The following ASB2 variants were observed in gnomAD, a reference collection of about 807,000 sequenced individuals.
ASB2 encodes ankyrin repeat and SOCS box protein 2.
Under a neutral mutation model 62.4 loss-of-function variants are expected in ASB2, and 58 were observed. The ratio of observed to expected loss-of-function variants is 0.93; its 90% CI spans 0.75 to 1.16. The LOEUF is 1.16. Ranked by LOEUF, ASB2 falls within the 50% of genes most tolerant of loss-of-function variation. The pLI is 0.00. For missense variants in ASB2, 928 were observed against 887.9 expected, an observed-to-expected ratio of 1.05 and a Z score of -0.57; for synonymous variants, 386 against 385.3, an observed-to-expected ratio of 1.00 and a Z score of -0.02.
At position 93,965,526 on chromosome 14, in the gene ASB2, T is replaced by C. The variant is rs1241497202; in HGVS notation, c.-73-914A>G. Among the ~76,000 whole-genome samples, 6 of 152,238 alleles carry C rather than the reference T, an allele frequency of 3.9e-5. No homozygotes were observed. The East Asian group carries it at 1.2e-3, about 29-fold the overall frequency. On this transcript the variant is annotated intron_variant, in intron 1 of 9. Coordinates refer to ENST00000555019, the MANE Select transcript of ASB2 (RefSeq NM_001202429.2). ...TTCTTAAAAATGCCTCAAAGAGTAA[T>C]AGACTCCAGTTGGGTGCCAATGCTT... is the stretch of plus-strand genomic sequence containing the variant.
Position 93,934,603 on chromosome 14 carries a change from G to A in ASB2, c.*53C>T, listed in dbSNP as rs1406644360. 8 of 1,594,782 alleles carry A rather than the reference G, an allele frequency of 5.0e-6. No homozygotes were observed. Among genetic ancestry groups the A allele is most frequent in the Non-Finnish European group, 6.0e-6 (7 of 1,165,156 alleles). Reference sequence around the variant, plus strand: ...TTGGAGTTGGGAACACCGACGTCCTGAGACTTAGTAAGAAGAGTCTGAGGG... The same window carrying A: ...TTGGAGTTGGGAACACCGACGTCCTAAGACTTAGTAAGAAGAGTCTGAGGG... On this transcript the variant is annotated 3_prime_UTR_variant, in exon 10 of 10. Coordinates refer to ENST00000555019, the MANE Select transcript of ASB2 (RefSeq NM_001202429.2).
At chr14:93,956,130 C>T (rs978284590) in intron 3 of ASB2, among the ~76,000 whole-genome samples, 28 of 152,242 alleles carry the variant, frequency 1.8e-4, no homozygotes, top group East Asian at 5.8e-4. Context: ...TGGCTGCTTC[C>T]GGGGTCACTA....
intron 2 of ASB2, among the ~76,000 whole-genome samples, chr14:93,957,810 C>T (rs1567028912): frequency 6.6e-6 from 1 of 152,138 alleles, no homozygotes; most frequent in Admixed American, 6.5e-5. Flanking sequence ...CTGGGGTTGT[C>T]GTGAGAACAG....
At chr14:93,943,866 T>C (rs1305399463) in intron 7 of ASB2, 2 of 451,250 alleles carry the variant, frequency 4.4e-6, no homozygotes, top group African/African-American at 2.0e-5. Flanking sequence ...GTGTTAAGTG[T>C]TCTCTATTTT....
At chr14:93,954,812 T>C (rs1889117138) in intron 3 of ASB2, among the ~76,000 whole-genome samples, 1 of 152,152 alleles carries the variant, frequency 6.6e-6, no homozygotes, top group South Asian at 2.1e-4. Flanking sequence ...TATAGCACTC[T>C]AGCATTTACC....
intron 1 of ASB2, among the ~76,000 whole-genome samples, chr14:93,976,032 A>C (rs1342052241): frequency 6.6e-6 from 1 of 152,158 alleles, no homozygotes; most frequent in Non-Finnish European, 1.5e-5. Context: ...CATTAAATTA[A>C]CTCCCACTCA....
At chr14:93,950,462 C>T (rs1888911912) in intron 6 of ASB2, among the ~76,000 whole-genome samples, 1 of 152,210 alleles carries the variant, frequency 6.6e-6, no homozygotes, top group Non-Finnish European at 1.5e-5. Context: ...CCCAGCTCTG[C>T]CACTAATTTG....
rs767128073 is a variant in ASB2 at position 93,937,753 on chromosome 14, C to A, written c.1716G>T (p.Arg572=). Residue 572 remains arginine (R), a synonymous_variant, in exon 9 of 10, where the codon CGG becomes CGT. Transcript: ENST00000555019. ...DYVGNVQLCS[R]LKEHIDSFED... Reference sequence around the variant, plus strand: ...CAAAGCTGTCGATGTGTTCCTTCAGCCGCGAGCAGAGCTGCACGTTGCCCA... The same window carrying A: ...CAAAGCTGTCGATGTGTTCCTTCAGACGCGAGCAGAGCTGCACGTTGCCCA... The A allele has an allele frequency of 4.3e-6, 7 of 1,613,176 alleles. No individual in the cohort carries two copies. In the Admixed American group the frequency reaches 1.2e-4, roughly 27 times the overall value.
At position 93,934,690 on chromosome 14, in the gene ASB2, A is replaced by T. The variant is rs570643387; in HGVS notation, c.1874T>A (p.Leu625Gln). ...LLDTLPLPGRLIRYLKYENTQ is the reference protein window; with the variant it reads ...LLDTLPLPGRQIRYLKYENTQ Reference sequence around the variant, plus strand: ...GTTCTCGTATTTCAGGTATCTAATCAGCCTGCCTGGGAGCGGCAAGGTGTC... The same window carrying T: ...GTTCTCGTATTTCAGGTATCTAATCTGCCTGCCTGGGAGCGGCAAGGTGTC... The change falls in exon 10 of 10, where the codon CTG (leucine) becomes CAG (glutamine). Residue 625 changes from leucine (L) to glutamine (Q), a missense_variant. Transcript: ENST00000555019. 18 of 1,614,154 alleles carry T rather than the reference A, an allele frequency of 1.1e-5. No individual in the cohort carries two copies. The South Asian group carries it at 2.0e-4, about 18-fold the overall frequency.
chr14:93,956,342 T>G (rs2085353873), intron 3 of ASB2, among the ~76,000 whole-genome samples: 1 of 152,052 alleles, frequency 6.6e-6, no homozygotes. Flanking sequence ...AGCGATGGCA[T>G]GGGGGAAAGT....
intron 1 of ASB2, among the ~76,000 whole-genome samples, chr14:93,967,740 G>C (rs1889636355): frequency 6.6e-6 from 1 of 152,146 alleles, no homozygotes; most frequent in South Asian, 2.1e-4. Context: ...TCTGTCCCTG[G>C]GGATCCCCTA....
At chr14:93,963,919 A>G (rs1889492352) in intron 2 of ASB2, among the ~76,000 whole-genome samples, 1 of 152,184 alleles carries the variant, frequency 6.6e-6, no homozygotes, top group African/African-American at 2.4e-5. Flanking sequence ...AGGAGACAGG[A>G]TGGCTCTGCT....
At chr14:93,970,630 A>G (rs1247598864) in intron 1 of ASB2, among the ~76,000 whole-genome samples, 1 of 152,168 alleles carries the variant, frequency 6.6e-6, no homozygotes, top group Non-Finnish European at 1.5e-5. Context: ...TAAATGCTGG[A>G]CAGACGGGTG....
chr14:93,939,981 C>G (rs1172546168), intron 7 of ASB2: 9 of 348,544 alleles, frequency 2.6e-5, no homozygotes, highest in Non-Finnish European at 2.6e-5. Context: ...CCTTGGCCTC[C>G]GAAGTCTGAG....
At position 93,959,169 on chromosome 14, in the gene ASB2, C is replaced by T. The variant is rs896884622; in HGVS notation, c.207-2299G>A. ...ACTGAGTTCCATTCAACAAAGAGTTCCCAGCTCTGGCTCAGTCCCAGGCCC... is the reference window on the plus strand; with the variant it reads ...ACTGAGTTCCATTCAACAAAGAGTTTCCAGCTCTGGCTCAGTCCCAGGCCC... On this transcript the variant is annotated intron_variant, in intron 2 of 9. Transcript: ENST00000555019. Among the ~76,000 whole-genome samples, 14 of 152,184 alleles carry T rather than the reference C, an allele frequency of 9.2e-5. 1 individual carries two copies. Among genetic ancestry groups the T allele is most frequent in the African/African-American group, 3.4e-4 (14 of 41,436 alleles).
intron 7 of ASB2, among the ~76,000 whole-genome samples, chr14:93,945,065 G>A (rs1164933919): frequency 2.6e-5 from 4 of 152,344 alleles, no homozygotes; most frequent in African/African-American, 9.6e-5. Context: ...GGCTGTATCT[G>A]ATTTGCTCAG....
chr14:93,963,196 T>C (rs866382965), intron 2 of ASB2, among the ~76,000 whole-genome samples: 2 of 152,282 alleles, frequency 1.3e-5, no homozygotes, highest in Middle Eastern at 3.4e-3. Flanking sequence ...GGAAAAAGTC[T>C]GTTTGTTGTT....
intron 6 of ASB2, among the ~76,000 whole-genome samples, chr14:93,949,773 C>T (rs934451658): frequency 2.0e-5 from 3 of 152,168 alleles, no homozygotes; most frequent in African/African-American, 4.8e-5. Flanking sequence ...TTGAGGTCAC[C>T]CTTGCCTGCT....
intron 2 of ASB2, among the ~76,000 whole-genome samples, chr14:93,960,984 T>TAAATAAATAAACAAAC (rs1340934157): frequency 1.3e-4 from 20 of 150,866 alleles, no homozygotes; most frequent in East Asian, 3.9e-4. Flanking sequence ...AATAAATAAA[T>TAAATAAATAAACAAAC]AAACAGTATC....
Sources: gnomAD v4.1 joint callset for allele counts (sites outside exome capture counted in the v4.1 genomes callset) on GRCh38, gnomAD v4.1.1 for gene constraint, MANE v1.5 for transcripts, NCBI Gene and HGNC (gene_info 2026-07-23, HGNC 2026-07-21) for gene names.